Variants in CSMD2 observed in about 807,000 individuals in gnomAD.
CSMD2 encodes the protein CUB and Sushi multiple domains 2.
A neutral mutation model predicts 398.5 loss-of-function variants in CSMD2; 130 were observed. The ratio of observed to expected loss-of-function variants is 0.33; its 90% confidence interval spans 0.28 to 0.38. The LOEUF is 0.38. Ranked by LOEUF, CSMD2 falls within the 10% of genes least tolerant of loss-of-function variation. The pLI is 1.00. For synonymous variants in CSMD2, 1,828 were observed against 1,908.5 expected (o/e 0.96, Z 1.10); for missense variants, 3,829 against 4,764.9 (o/e 0.80, Z 5.78).
At chr1:33,964,475 G>T (rs1645486085) in intron 3 of CSMD2, among the ~76,000 whole-genome samples, 3 of 152,222 alleles carry the variant, frequency 2.0e-5, no homozygotes, top group Non-Finnish European at 4.4e-5. Context: ...GATGAATGAA[G>T]AAATAAGCAA....
At chr1:33,699,019 C>T in intron 23 of CSMD2, 75 bp from the exon 24 acceptor site, 1 of 1,311,352 alleles carries the variant, frequency 7.6e-7, no homozygotes, top group Admixed American at 2.2e-5. Context: ...TCCCTCAAAG[C>T]CCACGTCCTC....
intron 25 of CSMD2, among the ~76,000 whole-genome samples, chr1:33,666,438 A>C (rs942235398): frequency 2.6e-5 from 4 of 152,150 alleles, no homozygotes; most frequent in Admixed American, 6.5e-5. Flanking sequence ...ACCTCTTGTT[A>C]AATTTCCTCT....
chr1:33,855,306 T>C (rs1355126799), intron 5 of CSMD2, among the ~76,000 whole-genome samples: 1 of 152,156 alleles, frequency 6.6e-6, no homozygotes, highest in Non-Finnish European at 1.5e-5. Context: ...GATTGGATCC[T>C]GGTGGTCATG....
At chr1:34,131,876 G>A (rs1246229418) in intron 1 of CSMD2, among the ~76,000 whole-genome samples, 4 of 152,102 alleles carry the variant, frequency 2.6e-5, no homozygotes, top group Non-Finnish European at 4.4e-5. Context: ...GCAAGGGTCA[G>A]GATCCCCTGA....
chr1:33,885,094 T>A (rs756267862), intron 5 of CSMD2: 1 of 151,818 alleles, frequency 6.6e-6, no homozygotes, highest in Non-Finnish European at 1.5e-5. Context: ...AGTATCCTGT[T>A]GGGACAGACA....
At chr1:34,082,768 CCCCCAA>C (rs1023006930) in intron 2 of CSMD2, among the ~76,000 whole-genome samples, 1 of 152,098 alleles carries the variant, frequency 6.6e-6, no homozygotes, top group Non-Finnish European at 1.5e-5. Flanking sequence ...TATAACCTTA[CCCCCAA>C]CCCCGTGCTC....
At chr1:33,577,168 G>T in intron 49 of CSMD2, 128 bp downstream of exon 49, 2 of 881,984 alleles carry the variant, frequency 2.3e-6, no homozygotes, top group Non-Finnish European at 3.4e-6. Context: ...TCTTGTAAAT[G>T]CTTGTGGAAA....
In CSMD2 at chr1:33,633,639, A is replaced by G. The variant is rs1340653097; in HGVS notation, c.5087-104T>C. 2 of 811,740 alleles carry G rather than the reference A, an allele frequency of 2.5e-6. No homozygotes were observed. The highest frequency in any genetic ancestry group is 4.1e-6 in the Non-Finnish European group (2 of 487,808). 50.3% of individuals were successfully genotyped at this position (811,740 alleles called of 1,614,324 possible). ...GCCAGGAGGAGGGCAGCCCTGGGGAAGTTGTTGGTTCCTGGGCTGTGGCTT... is the reference window on the plus strand; with the variant it reads ...GCCAGGAGGAGGGCAGCCCTGGGGAGGTTGTTGGTTCCTGGGCTGTGGCTT... On this transcript the variant is annotated intron_variant, in intron 31 of 70. Transcript: ENST00000373381. The surrounding 1 kb of genome is among the most constrained non-coding windows in gnomAD (Gnocchi z 5.0).
intron 7 of CSMD2, among the ~76,000 whole-genome samples, chr1:33,824,396 C>G (rs79744319): frequency 0.024 from 3,634 of 152,302 alleles, 150 homozygotes; most frequent in African/African-American, 0.084. Flanking sequence ...GCCATCCAGT[C>G]CCTGAGGGTG....
At chr1:33,539,979 T>C (rs1015253782) in intron 60 of CSMD2, among the ~76,000 whole-genome samples, 1 of 152,128 alleles carries the variant, frequency 6.6e-6, no homozygotes, top group East Asian at 1.9e-4. Flanking sequence ...AGCACGGGCA[T>C]GGAGAAAACC....
Position 33,625,954 on chromosome 1 carries a change from T to A in CSMD2, c.5296+532A>T, listed in dbSNP as rs528529867. Among the ~76,000 whole-genome samples, 29 of 152,318 alleles carry A rather than the reference T, an allele frequency of 1.9e-4. 1 individual carries two copies. In the South Asian group the frequency reaches 6.0e-3, roughly 32 times the overall value. On this transcript the variant is annotated intron_variant, in intron 33 of 70. Transcript: ENST00000373381. Reference sequence around the variant, plus strand: ...AACTGGCTGGTTGGTACCAGCTACTTCCCGAAGCCTCTTTGCATCCTATCA... The same window carrying A: ...AACTGGCTGGTTGGTACCAGCTACTACCCGAAGCCTCTTTGCATCCTATCA...
rs1464400124 is a variant in CSMD2, at chr1:33,580,818, G to C, written c.7322C>G (p.Ser2441Cys). ...APLIVTSSSN[S>C]VYLRWSSDHA... ...ATCAGATGACCAACGCAGGTACACA[G>C]AGTTGCTTGAGCTGGTGACAATCAG... The change falls in exon 48 of 71, where the codon TCT (serine) becomes TGT (cysteine). Residue 2441 changes from serine (S) to cysteine (C), a missense_variant. By Grantham distance (112) the Ser-to-Cys change is moderately radical. Around this residue, in one of 5 missense-constraint regions of CSMD2, gnomAD observed 723 missense variants for 758.6 expected, o/e 0.95. Coordinates refer to ENST00000373381, the MANE Select transcript of CSMD2 (RefSeq NM_001281956.2). 1 of 1,614,170 alleles carries C rather than the reference G, an allele frequency of 6.2e-7. No homozygotes were observed. The highest frequency in any genetic ancestry group is 8.5e-7 in the Non-Finnish European group (1 of 1,180,030).
At chr1:33,755,594 C>G (rs1648870052) in intron 13 of CSMD2, among the ~76,000 whole-genome samples, 1 of 152,184 alleles carries the variant, frequency 6.6e-6, no homozygotes, top group South Asian at 2.1e-4. Context: ...CTCCTAGATT[C>G]ATATTTGATA....
chr1:33,706,875 ATGTGTTTGTGTATGCG>A lies in CSMD2; in HGVS notation c.3576+2198_3576+2213del, dbSNP rs943026529. ...ATTGTGTGCGTGTGCATGTGTGTGCATGTGTTTGTGTATGCGTGTGTGTGTGCACGTATGTGTGTGC... is the reference window on the plus strand; with the variant it reads ...ATTGTGTGCGTGTGCATGTGTGTGCATGTGTGTGTGCACGTATGTGTGTGC... On this transcript the variant is annotated intron_variant, in intron 22 of 70. Coordinates refer to ENST00000373381, the MANE Select transcript of CSMD2 (RefSeq NM_001281956.2). Among the ~76,000 whole-genome samples the A allele has an allele frequency of 5.0e-5, 7 of 139,684 alleles. No individual in the cohort carries two copies. The East Asian group carries it at 1.1e-3, about 22-fold the overall frequency. The allele number at this position is 139,684 out of a possible 152,430, so 91.6% of individuals were successfully genotyped here. A position where few individuals can be genotyped will look rare whatever the true frequency, so the allele number is the denominator to read the frequency against.
chr1:33,806,288 G>A (rs1284012846), intron 10 of CSMD2, among the ~76,000 whole-genome samples: 1 of 152,166 alleles, frequency 6.6e-6, no homozygotes, highest in Non-Finnish European at 1.5e-5. Flanking sequence ...TTTCCACTGA[G>A]AATTCACAAC....
rs571508111 is a variant in CSMD2, at chr1:33,854,942, G to A, written c.921-7946C>T. Among the ~76,000 whole-genome samples the A allele has an allele frequency of 6.6e-5, 10 of 152,288 alleles. No individual in the cohort carries two copies. The South Asian group carries it at 1.0e-3, about 16-fold the overall frequency. ...ATTGCGAAGGTCTAGGGGTGGCTTG[G>A]TGTGTCAGTTTCCTTCCATTGCTAG... On this transcript the variant is annotated intron_variant, in intron 5 of 70. Transcript: ENST00000373381.
At position 33,674,523 on chromosome 1, in the gene CSMD2, C is replaced by A. The variant is rs373200946; in HGVS notation, c.4053-11431G>T. ...CAATAATAATGGGAGACTTTAACAC[C>A]CCACTGTCAACATTAGACAGATCAA... On this transcript the variant is annotated intron_variant, in intron 25 of 70. Transcript: ENST00000373381. Among the ~76,000 whole-genome samples the A allele has an allele frequency of 2.2e-4, 33 of 152,170 alleles. No homozygotes were observed. In the East Asian group the frequency reaches 3.7e-3, roughly 17 times the overall value.
chr1:33,810,961 A>C, intron 9 of CSMD2, 97 bp from the exon 10 acceptor site: 1 of 1,384,054 alleles, frequency 7.2e-7, no homozygotes, highest in African/African-American at 1.5e-5. Flanking sequence ...GCATCTGTAC[A>C]GTTCCCACCC....
intron 22 of CSMD2, among the ~76,000 whole-genome samples, chr1:33,704,975 T>C (rs1645728090): frequency 6.6e-6 from 1 of 151,906 alleles, no homozygotes; most frequent in South Asian, 2.1e-4. Flanking sequence ...GGTTTCACTG[T>C]ATTAACCAGG....
Sources: gnomAD v4.1 joint callset for allele counts (sites outside exome capture counted in the v4.1 genomes callset) on GRCh38, gnomAD v4.1.1 for gene constraint, gnomAD v4.1.1 regional missense constraint, Gnocchi (gnomAD v3.1) non-coding constraint, MANE v1.5 for transcripts, NCBI Gene and HGNC (gene_info 2026-07-23, HGNC 2026-07-21) for gene names.